The following SYT2 variants were observed in gnomAD, a reference collection of about 807,000 sequenced individuals.
The protein encoded by SYT2 is synaptotagmin-2.
In SYT2, 15 loss-of-function variants were observed where a neutral mutation model predicts 39.9. The ratio of observed to expected loss-of-function variants is 0.38; its 90% CI spans 0.25 to 0.58. SYT2 has a LOEUF of 0.58. SYT2 is among the 20% of genes least tolerant of loss of function. SYT2 has a pLI of 0.70. For synonymous variants in SYT2, 181 were observed against 204.5 expected, an observed-to-expected ratio of 0.89 and a Z score of 0.98; for missense variants, 389 against 530.3, an observed-to-expected ratio of 0.73 and a Z score of 2.62.
At chr1:202,645,186 T>C (rs1201714977) in intron 1 of SYT2, among the ~76,000 whole-genome samples, 2 of 152,068 alleles carry the variant, frequency 1.3e-5, no homozygotes, top group Admixed American at 6.5e-5. Context: ...GGTCAGATGC[T>C]CAGCAGGAGG....
At chr1:202,704,658 C>T (rs985190838) in intron 1 of SYT2, among the ~76,000 whole-genome samples, 1 of 84,392 alleles carries the variant, frequency 1.2e-5, no homozygotes, top group South Asian at 5.2e-4. Flanking sequence ...CCCTAGGACC[C>T]TGAATACACA....
intron 1 of SYT2, among the ~76,000 whole-genome samples, chr1:202,659,982 G>A (rs1035110020): frequency 6.6e-5 from 10 of 152,198 alleles, no homozygotes; most frequent in Admixed American, 5.9e-4. Context: ...GCTTGGCACG[G>A]AGGTCCTTCA....
intron 1 of SYT2, among the ~76,000 whole-genome samples, chr1:202,642,975 G>T (rs1691962635): frequency 6.6e-6 from 1 of 152,256 alleles, no homozygotes; most frequent in Non-Finnish European, 1.5e-5. Context: ...CTCTCCGCGG[G>T]GAGAGATAGG....
chr1:202,700,959 G>A (rs1221736146), intron 1 of SYT2, among the ~76,000 whole-genome samples: 1 of 152,222 alleles, frequency 6.6e-6, no homozygotes, highest in Non-Finnish European at 1.5e-5. Flanking sequence ...ATGCTTGTTT[G>A]CCTCTGTGCA....
intron 1 of SYT2, among the ~76,000 whole-genome samples, chr1:202,664,508 A>G (rs1411135295): frequency 6.6e-6 from 1 of 152,150 alleles, no homozygotes; most frequent in African/African-American, 2.4e-5. Flanking sequence ...CATCACCTTC[A>G]AGCATTTCCT....
intron 7 of SYT2, 32 bp downstream of exon 7, chr1:202,600,325 C>T: frequency 6.3e-7 from 1 of 1,586,630 alleles, no homozygotes; most frequent in South Asian, 1.1e-5. Flanking sequence ...TCGCTGGTGC[C>T]ACCCAATGGC....
chr1:202,629,327 C>G (rs1346119493), intron 1 of SYT2, among the ~76,000 whole-genome samples: 3 of 152,156 alleles, frequency 2.0e-5, no homozygotes, highest in Admixed American at 1.3e-4. Flanking sequence ...CAGATACTGC[C>G]AAGGCTTTCC....
chr1:202,636,421 A>G (rs1327117108), intron 1 of SYT2: 1 of 983,476 alleles, frequency 1.0e-6, no homozygotes, highest in Non-Finnish European at 1.2e-6. Flanking sequence ...CGCTAGGCTC[A>G]CTGGCTATTT....
chr1:202,704,475 T>A (rs1026276372), intron 1 of SYT2, among the ~76,000 whole-genome samples: 2 of 152,128 alleles, frequency 1.3e-5, no homozygotes, highest in Non-Finnish European at 2.9e-5. Flanking sequence ...GTGCTCTGGC[T>A]CAGGCTGAGT....
chr1:202,695,743 C>T (rs574335125), intron 1 of SYT2, among the ~76,000 whole-genome samples: 5 of 152,326 alleles, frequency 3.3e-5, no homozygotes, highest in African/African-American at 1.2e-4. Context: ...GAGGAAGAGA[C>T]CTTGTAAGGT....
At chr1:202,603,866 A>G (rs1166303149) in intron 3 of SYT2, among the ~76,000 whole-genome samples, 2 of 152,174 alleles carry the variant, frequency 1.3e-5, no homozygotes, top group African/African-American at 4.8e-5. Context: ...TGAGCAAGAG[A>G]TTCCTCCTAG....
chr1:202,690,128 C>G (rs991370516), intron 1 of SYT2, among the ~76,000 whole-genome samples: 2 of 152,114 alleles, frequency 1.3e-5, no homozygotes, highest in African/African-American at 2.4e-5. Context: ...TCCACTCCCC[C>G]TGAAGGCAAC....
chr1:202,650,444 T>TC lies in SYT2; in HGVS notation c.-17-44656_-17-44655insG, dbSNP rs1194604551. Among the ~76,000 whole-genome samples the TC allele has an allele frequency of 3.3e-5, 5 of 151,646 alleles. 1 individual carries two copies. Among genetic ancestry groups the TC allele is most frequent in the Admixed American group, 2.6e-4 (4 of 15,252 alleles). Reference sequence around the variant, plus strand: ...ACATTTGTTTCATATGCTTTTGTTTTTTTTTTTTTGAGACATAGTTTCGCT... The same window carrying TC: ...ACATTTGTTTCATATGCTTTTGTTTTCTTTTTTTTTGAGACATAGTTTCGCT... On this transcript the variant is annotated intron_variant, in intron 1 of 8. Transcript: ENST00000367268.
intron 1 of SYT2, among the ~76,000 whole-genome samples, chr1:202,672,813 A>G (rs947286551): frequency 7.9e-6 from 1 of 126,316 alleles, no homozygotes; most frequent in Non-Finnish European, 1.7e-5. Flanking sequence ...ACACTTGAGG[A>G]GAGAAAGGCA....
chr1:202,668,045 A>G (rs1341974132), intron 1 of SYT2, among the ~76,000 whole-genome samples: 1 of 152,196 alleles, frequency 6.6e-6, no homozygotes, highest in Non-Finnish European at 1.5e-5. Flanking sequence ...TCTCAGCACC[A>G]TCAAAGCCTA....
chr1:202,658,779 A>G (rs1464999975), intron 1 of SYT2, among the ~76,000 whole-genome samples: 1 of 151,904 alleles, frequency 6.6e-6, no homozygotes, highest in Non-Finnish European at 1.5e-5. Context: ...AACCCCTCCC[A>G]ATTCAGGGTG....
At chr1:202,646,193 C>A (rs751787266) in intron 1 of SYT2, among the ~76,000 whole-genome samples, 1 of 152,228 alleles carries the variant, frequency 6.6e-6, no homozygotes, top group African/African-American at 2.4e-5. Flanking sequence ...CATGCACCAG[C>A]ATCTCTAGAT....
chr1:202,599,311 C>T lies in SYT2; in HGVS notation c.960G>A (p.Arg320=), dbSNP rs1690414006. ...TCACGGTTGTCTTCTTCTTCTTGAG[C>T]CTCTTGCCATTCTGCATCAGGTGGA... The part of the protein sequence containing the change: ...VKIHLMQNGK[R]LKKKKTTVKK... Residue 320 remains arginine (R), a synonymous_variant, in exon 8 of 9, where the codon AGG becomes AGA. Transcript: ENST00000367268. This position sits in a 1 kb window ranked among gnomAD's most constrained non-coding sequence, Gnocchi z 4.4. 1 of 1,608,178 alleles carries T rather than the reference C, an allele frequency of 6.2e-7. No homozygotes were observed. The highest frequency in any genetic ancestry group is 1.7e-5 in the Admixed American group (1 of 58,562).
At chr1:202,685,040 T>C (rs1653627397) in intron 1 of SYT2, among the ~76,000 whole-genome samples, 1 of 152,096 alleles carries the variant, frequency 6.6e-6, no homozygotes, top group East Asian at 1.9e-4. Context: ...GAGGAGGACA[T>C]GGAAGCCGGG....
Sources: allele counts gnomAD v4.1 joint callset (sites outside exome capture counted in the v4.1 genomes callset), GRCh38; gene constraint gnomAD v4.1.1; non-coding constraint Gnocchi (gnomAD v3.1); transcripts MANE v1.5; gene names NCBI Gene and HGNC (gene_info 2026-07-23, HGNC 2026-07-21).